Variants in PHTF1 observed in about 807,000 individuals in gnomAD.
The protein encoded by PHTF1 is protein PHTF1.
In PHTF1, 88 loss-of-function variants were observed where a neutral mutation model predicts 102.4. The observed-to-expected ratio is 0.86, with a 90% CI of 0.72 to 1.03. The LOEUF is 1.03. Among genes scored for constraint, PHTF1 ranks in the 50% least tolerant of loss-of-function variants. The pLI, the probability that PHTF1 is intolerant of heterozygous loss-of-function variation, is 0.00. For synonymous variants in PHTF1, 289 were observed against 305.2 expected (o/e 0.95, Z 0.55); for missense variants, 814 against 909.5 (o/e 0.89, Z 1.35).
chr1:113,741,600 TAC>T (rs1339705871), intron 3 of PHTF1, among the ~76,000 whole-genome samples: 1 of 152,204 alleles, frequency 6.6e-6, no homozygotes, highest in Admixed American at 6.5e-5. Context: ...CCAACAATGT[TAC>T]AGAGTTAGAA....
At chr1:113,755,503 G>A (rs981116661) in intron 3 of PHTF1, among the ~76,000 whole-genome samples, 12 of 151,854 alleles carry the variant, frequency 7.9e-5, no homozygotes, top group East Asian at 1.9e-4. Context: ...TCTTCCCACC[G>A]CCGCTAAATT....
chr1:113,727,617 A>G (rs2101473342), intron 5 of PHTF1, among the ~76,000 whole-genome samples: 1 of 152,336 alleles, frequency 6.6e-6, no homozygotes, highest in East Asian at 1.9e-4. Context: ...ATTTCATACA[A>G]TGTAATTTTG....
chr1:113,704,081 C>T lies in PHTF1; in HGVS notation c.1890G>A (p.Gln630=). ...TLSIAFICCA[Q]VLQGHKTFLN... The stretch of plus-strand genomic sequence containing the variant: ...CTTAAAGCAGATGTGAAACTTTTAC[C>T]TGAGCACAACAAATGAAAGCAATCG... Residue 630 remains glutamine, a splice_region_variant and synonymous_variant, in exon 15 of 19, where the codon CAG becomes CAA. Transcript: ENST00000369604. 2 of 1,603,438 alleles carry T rather than the reference C, an allele frequency of 1.2e-6. No individual in the cohort carries two copies. Among genetic ancestry groups the T allele is most frequent in the South Asian group, 1.1e-5 (1 of 90,656 alleles).
chr1:113,758,169 T>C (rs1053772325), intron 2 of PHTF1, among the ~76,000 whole-genome samples: 1 of 135,148 alleles, frequency 7.4e-6, no homozygotes, highest in East Asian at 2.3e-4. Flanking sequence ...AGGCGGAGCT[T>C]GCAGTGAGCC....
chr1:113,699,754 G>T lies in PHTF1; in HGVS notation c.2092C>A (p.Gln698Lys). 1.4e-6 allele frequency: 2 copies of T among 1,465,870 alleles called. No homozygotes were observed. The highest frequency in any genetic ancestry group is 1.8e-4 in the Middle Eastern group (1 of 5,442). The allele number at this position is 1,465,870 out of a possible 1,614,324, so 90.8% of individuals were successfully genotyped here. Residue 698 changes from glutamine (Q) to lysine (K), a missense_variant, in exon 17 of 19, where the codon CAG becomes AAG. Transcript: ENST00000369604. ...AATACATTGTTTACTAGAGTAAGCTGTTCTTTCTTATTTGGCTTTTTTTCC... is the reference window on the plus strand; with the variant it reads ...AATACATTGTTTACTAGAGTAAGCTTTTCTTTCTTATTTGGCTTTTTTTCC... ...KMEKKPNKKE[Q>K]LTLVNNVLKL... is the part of the protein sequence containing the mutation.
chr1:113,697,928 G>C (rs183595255), intron 18 of PHTF1, among the ~76,000 whole-genome samples: 21 of 152,286 alleles, frequency 1.4e-4, no homozygotes, highest in Admixed American at 1.4e-3. Flanking sequence ...TTCATGTACT[G>C]GTTTTCATTC....
chr1:113,749,088 A>G (rs1657641718), intron 3 of PHTF1, among the ~76,000 whole-genome samples: 2 of 152,282 alleles, frequency 1.3e-5, no homozygotes, highest in South Asian at 4.1e-4. Context: ...CAACATACTA[A>G]CTATAGTCAC....
chr1:113,745,726 T>C (rs2101654749), intron 3 of PHTF1, among the ~76,000 whole-genome samples: 1 of 152,278 alleles, frequency 6.6e-6, no homozygotes, highest in East Asian at 1.9e-4. Context: ...GGGATCTAGG[T>C]TGCATGCTCC....
intron 5 of PHTF1, among the ~76,000 whole-genome samples, chr1:113,735,077 C>CTA (rs1439537462): frequency 6.6e-6 from 1 of 151,818 alleles, no homozygotes; most frequent in African/African-American, 2.4e-5. Flanking sequence ...CTATTAAAAG[C>CTA]TATATAGGCC....
At chr1:113,757,676 C>T (rs746253486) in intron 3 of PHTF1, 23 bp downstream of exon 3, 6 of 1,527,844 alleles carry the variant, frequency 3.9e-6, no homozygotes, top group Admixed American at 1.7e-5. Context: ...GAAACATAGG[C>T]GGAATCAAAG....
At chr1:113,739,742 T>C (rs540907359) in intron 3 of PHTF1, among the ~76,000 whole-genome samples, 11 of 152,336 alleles carry the variant, frequency 7.2e-5, no homozygotes, top group African/African-American at 2.4e-4. Context: ...CTCCCTCTTA[T>C]ACTTCCCCAC....
Position 113,738,224 on chromosome 1 carries a change from G to C in PHTF1, c.217C>G (p.Leu73Val), listed in dbSNP as rs778157029. 3.7e-6 allele frequency: 6 copies of C among 1,613,844 alleles called. No homozygotes were observed. Among genetic ancestry groups the C allele is most frequent in the South Asian group, 1.1e-5 (1 of 91,062 alleles). ...ACTCGAACAAGCCCCTTCCGAGTCA[G>C]AGATGTCCATGGAATTTCAGGTTTT... ...KAKPEIPWTSLTRKGLVRVVF... is the reference protein window; with the variant it reads ...KAKPEIPWTSVTRKGLVRVVF... The change falls in exon 5 of 19, where the codon CTG (leucine) becomes GTG (valine). Residue 73 changes from leucine (L) to valine (V), a missense_variant. Physicochemically the swap from Leu to Val is conservative, Grantham distance 32. Transcript: ENST00000369604.
At chr1:113,728,139 G>A (rs1311979070) in intron 5 of PHTF1, among the ~76,000 whole-genome samples, 5 of 152,156 alleles carry the variant, frequency 3.3e-5, no homozygotes, top group African/African-American at 1.2e-4. Context: ...ACACAGCAAA[G>A]GAAACAATCA....
rs372454181 is a variant in PHTF1, at chr1:113,736,298, C to T, written c.331+1812G>A. Among the ~76,000 whole-genome samples, 9 of 148,984 alleles carry T rather than the reference C, an allele frequency of 6.0e-5. No individual in the cohort carries two copies. In the East Asian group the frequency reaches 8.0e-4, roughly 13 times the overall value. On this transcript the variant is annotated intron_variant, in intron 5 of 18. Transcript: ENST00000369604. ...CAGAGCTTGCAGTGAGCCAAGATCG[C>T]GCCACTGCACTCCCGCCTGGGCAAC...
rs534756651 is a variant in PHTF1, at chr1:113,719,110, C to T, written c.623+5649G>A. On this transcript the variant is annotated intron_variant, in intron 7 of 18. Transcript: ENST00000369604. ...CCACCTCTTGGGTTCAAGCAATTCC[C>T]CTGCCTCAGCCTCCCAGGTAGCTGG... Among the ~76,000 whole-genome samples the T allele has an allele frequency of 2.6e-5, 4 of 152,234 alleles. No homozygotes were observed. The East Asian group carries it at 7.7e-4, about 29-fold the overall frequency.
intron 7 of PHTF1, among the ~76,000 whole-genome samples, chr1:113,716,390 G>A (rs1197493057): frequency 6.8e-6 from 1 of 146,406 alleles, no homozygotes; most frequent in Non-Finnish European, 1.5e-5. Context: ...AGTTGCCCAG[G>A]CTGGAGTTCA....
chr1:113,728,066 G>A (rs1239871455), intron 5 of PHTF1, among the ~76,000 whole-genome samples: 3 of 152,204 alleles, frequency 2.0e-5, no homozygotes, highest in Admixed American at 1.3e-4. Flanking sequence ...TCCAGCCTGG[G>A]TGACAGAGCA....
At chr1:113,697,992 G>A (rs923986374) in intron 18 of PHTF1, among the ~76,000 whole-genome samples, 4 of 152,104 alleles carry the variant, frequency 2.6e-5, no homozygotes, top group African/African-American at 9.7e-5. Context: ...CCCAGCTCAG[G>A]CTATTAAACT....
At chr1:113,755,764 G>A (rs1658764249) in intron 3 of PHTF1, among the ~76,000 whole-genome samples, 2 of 152,116 alleles carry the variant, frequency 1.3e-5, no homozygotes, top group Admixed American at 6.5e-5. Context: ...AAAGAGTGAA[G>A]GAAATCAGGC....
Sources: allele counts gnomAD v4.1 joint callset (sites outside exome capture counted in the v4.1 genomes callset), GRCh38; gene constraint gnomAD v4.1.1; transcripts MANE v1.5; gene names NCBI Gene and HGNC (gene_info 2026-07-23, HGNC 2026-07-21).